PALM2AKAP2: variants seen among roughly 807,000 people sequenced by gnomAD.
The protein encoded by PALM2AKAP2 is PALM2 and AKAP2 fusion.
In PALM2AKAP2, 37 loss-of-function variants were observed where a neutral mutation model predicts 71.5. The observed-to-expected ratio is 0.52, with a 90% CI of 0.40 to 0.68. The LOEUF (loss-of-function observed/expected upper bound fraction) is 0.68, where lower values mean the gene tolerates loss of function less well. Ranked by LOEUF, PALM2AKAP2 falls within the 30% of genes least tolerant of loss-of-function variation. The pLI is 0.00. For missense variants in PALM2AKAP2, 1,224 were observed against 1,191.8 expected (o/e 1.03, Z -0.40); for synonymous variants, 468 against 478.8 (o/e 0.98, Z 0.29).
chr9:109,702,752 T>TTA (rs1828081697), intron 1 of PALM2AKAP2, among the ~76,000 whole-genome samples: 1 of 139,574 alleles, frequency 7.2e-6, no homozygotes, highest in African/African-American at 2.6e-5. Flanking sequence ...GGTATAATAA[T>TTA]AAAAAAAAAA....
intron 1 of PALM2AKAP2, among the ~76,000 whole-genome samples, chr9:109,835,681 T>C (rs890148742): frequency 1.3e-5 from 2 of 152,162 alleles, no homozygotes; most frequent in Admixed American, 6.5e-5. Flanking sequence ...ACTCCCACCC[T>C]AATACTACGC....
At chr9:109,715,248 T>C (rs952234527) in intron 1 of PALM2AKAP2, among the ~76,000 whole-genome samples, 1 of 152,170 alleles carries the variant, frequency 6.6e-6, no homozygotes, top group African/African-American at 2.4e-5. Flanking sequence ...CAGATGAGAA[T>C]ACCTAAGAAT....
At chr9:109,784,915 C>A (rs1270177142) in intron 1 of PALM2AKAP2, among the ~76,000 whole-genome samples, 1 of 152,196 alleles carries the variant, frequency 6.6e-6, no homozygotes, top group Non-Finnish European at 1.5e-5. Context: ...TTTTGAGAGT[C>A]TTTCAAGCCT....
At chr9:109,811,408 T>A (rs1321316147) in intron 1 of PALM2AKAP2, among the ~76,000 whole-genome samples, 1 of 152,090 alleles carries the variant, frequency 6.6e-6, no homozygotes, top group Non-Finnish European at 1.5e-5. Context: ...AAGAGTGCTA[T>A]GCTTTATTTG....
At chr9:110,109,834 G>C (rs573081081) in intron 1 of PALM2AKAP2, among the ~76,000 whole-genome samples, 31 of 152,134 alleles carry the variant, frequency 2.0e-4, no homozygotes, top group African/African-American at 6.5e-4. Context: ...AAAAAGTTCA[G>C]TCTCAAAAAA....
chr9:109,917,281 C>T (rs1011126759), intron 3 of PALM2AKAP2, among the ~76,000 whole-genome samples: 2 of 152,150 alleles, frequency 1.3e-5, no homozygotes, highest in African/African-American at 4.8e-5. Flanking sequence ...GCTGCCAGCA[C>T]CTTGATTCTA....
intron 6 of PALM2AKAP2, among the ~76,000 whole-genome samples, chr9:109,991,847 AG>A (rs1451980732): frequency 6.6e-6 from 1 of 152,192 alleles, no homozygotes. Context: ...GGAAGCTTGA[AG>A]GCTGTTTTGT....
chr9:109,869,987 T>C (rs1275830965), intron 2 of PALM2AKAP2, among the ~76,000 whole-genome samples: 2 of 152,140 alleles, frequency 1.3e-5, no homozygotes, highest in Non-Finnish European at 2.9e-5. Context: ...GTTATTTGCC[T>C]TGAATACTGA....
At chr9:109,939,243 A>G (rs1182170481) in intron 6 of PALM2AKAP2, among the ~76,000 whole-genome samples, 1 of 152,136 alleles carries the variant, frequency 6.6e-6, no homozygotes, top group Non-Finnish European at 1.5e-5. Flanking sequence ...TTATGTGGAT[A>G]TACTTAACCT....
intron 3 of PALM2AKAP2, among the ~76,000 whole-genome samples, chr9:109,892,784 A>AAAT (rs554142286): frequency 7.2e-5 from 11 of 152,170 alleles, no homozygotes; most frequent in East Asian, 5.8e-4. Context: ...CTATAAAAAG[A>AAAT]AATAATAATA....
intron 1 of PALM2AKAP2, among the ~76,000 whole-genome samples, chr9:110,104,431 A>G (rs1835069231): frequency 6.6e-6 from 1 of 152,204 alleles, no homozygotes; most frequent in Admixed American, 6.5e-5. Flanking sequence ...AACAGTTAAC[A>G]GTTAATTCGC....
intron 1 of PALM2AKAP2, among the ~76,000 whole-genome samples, chr9:110,113,237 T>C (rs1588115878): frequency 2.2e-5 from 2 of 92,106 alleles, no homozygotes; most frequent in East Asian, 5.5e-4. Flanking sequence ...TTGTTTTTGT[T>C]TTTTTCTTTT....
intron 1 of PALM2AKAP2, among the ~76,000 whole-genome samples, chr9:109,742,293 ACACACACACT>A (rs1447619445): frequency 5.9e-5 from 8 of 134,942 alleles, no homozygotes; most frequent in Non-Finnish European, 1.1e-4. Flanking sequence ...ACACACACAC[ACACACACACT>A]CTCACAGCCA....
At chr9:110,101,543 A>G (rs563941513) in intron 1 of PALM2AKAP2, among the ~76,000 whole-genome samples, 11 of 152,304 alleles carry the variant, frequency 7.2e-5, no homozygotes, top group Non-Finnish European at 1.2e-4. Context: ...AGTAGAGGTT[A>G]GGGAAATGTA....
chr9:109,708,422 C>CA (rs1828176260), intron 1 of PALM2AKAP2, among the ~76,000 whole-genome samples: 1 of 152,104 alleles, frequency 6.6e-6, no homozygotes, highest in African/African-American at 2.4e-5. Context: ...AATTCTATGA[C>CA]AATGATGATT....
intron 1 of PALM2AKAP2, among the ~76,000 whole-genome samples, chr9:109,815,512 C>T (rs10816883): frequency 0.18 from 26,942 of 152,002 alleles, 2,794 homozygotes; most frequent in East Asian, 0.35. Context: ...GCCAGGGAAG[C>T]AGAAGGGGAG....
chr9:109,967,174 G>A (rs1357935899), intron 6 of PALM2AKAP2, among the ~76,000 whole-genome samples: 5 of 152,148 alleles, frequency 3.3e-5, no homozygotes, highest in African/African-American at 4.8e-5. Context: ...CTGGCTGGCT[G>A]TTGGGACCTC....
At chr9:109,893,771 G>C (rs1830139356) in intron 3 of PALM2AKAP2, among the ~76,000 whole-genome samples, 1 of 152,032 alleles carries the variant, frequency 6.6e-6, no homozygotes, top group Admixed American at 6.5e-5. Flanking sequence ...TTTAAAAAAT[G>C]TTTAGCCTTC....
At chr9:109,821,461 C>G (rs927769950) in intron 1 of PALM2AKAP2, among the ~76,000 whole-genome samples, 5 of 152,188 alleles carry the variant, frequency 3.3e-5, no homozygotes, top group Admixed American at 6.5e-5. Context: ...AACTGAGCTA[C>G]TGGGGTCTAC....
Sources: gnomAD v4.1 joint callset for allele counts (sites outside exome capture counted in the v4.1 genomes callset) on GRCh38, gnomAD v4.1.1 for gene constraint, MANE v1.5 for transcripts, NCBI Gene and HGNC (gene_info 2026-07-23, HGNC 2026-07-21) for gene names.